TSNARE1: variants seen among roughly 807,000 people sequenced by gnomAD.
The protein encoded by TSNARE1 is t-SNARE domain-containing protein 1.
A neutral mutation model predicts 62.0 loss-of-function variants in TSNARE1; 49 were observed. The ratio of observed to expected loss-of-function variants is 0.79; its 90% CI spans 0.63 to 1.00. The LOEUF (loss-of-function observed/expected upper bound fraction) is 1.00. Among genes scored for constraint, TSNARE1 ranks in the 50% least tolerant of loss-of-function variants. The pLI, the probability that TSNARE1 is intolerant of heterozygous loss-of-function variation, is 0.00. For missense variants in TSNARE1, 755 were observed against 700.1 expected, an observed-to-expected ratio of 1.08 and a Z score of -0.88; for synonymous variants, 328 against 294.4, an observed-to-expected ratio of 1.11 and a Z score of -1.17.
rs138301382 is a variant in TSNARE1 at position 142,274,350 on chromosome 8, T to C, written c.1446+431A>G. On this transcript the variant is annotated intron_variant, in intron 12 of 13. Transcript: ENST00000524325. ...AGCTCCAAGTCCCACTTCAAGAAAATAAAGGCCTGAGCTTTCTTGTTCCCT... is the reference window on the plus strand; with the variant it reads ...AGCTCCAAGTCCCACTTCAAGAAAACAAAGGCCTGAGCTTTCTTGTTCCCT... 3.0e-6 allele frequency: 3 copies of C among 985,342 alleles called. No homozygotes were observed. The East Asian group carries it at 3.4e-4, about 112-fold the overall frequency. The allele number at this position is 985,342 out of a possible 1,614,324, so 61.0% of individuals were successfully genotyped here.
At chr8:142,236,222 G>A (rs562482306) in intron 12 of TSNARE1, among the ~76,000 whole-genome samples, 6 of 152,252 alleles carry the variant, frequency 3.9e-5, no homozygotes, top group African/African-American at 1.4e-4. Flanking sequence ...TGCAAAGAGG[G>A]AAGCCTTTTA....
chr8:142,263,869 A>G (rs1819009542), intron 12 of TSNARE1, among the ~76,000 whole-genome samples: 1 of 152,188 alleles, frequency 6.6e-6, no homozygotes, highest in African/African-American at 2.4e-5. Context: ...GGTCCTTCCT[A>G]AGAACTGGCT....
intron 4 of TSNARE1, among the ~76,000 whole-genome samples, chr8:142,340,032 G>A (rs1832331568): frequency 6.6e-6 from 1 of 152,252 alleles, no homozygotes. Context: ...CTGGGGCAGG[G>A]TCGGGGCCAG....
At position 142,389,817 on chromosome 8, in the gene TSNARE1, GACAA is replaced by G. The variant is rs554450023; in HGVS notation, c.-40+13283_-40+13286del. Among the ~76,000 whole-genome samples, 284 of 152,316 alleles carry G rather than the reference GACAA, an allele frequency of 1.9e-3. 1 individual carries two copies. The highest frequency in any genetic ancestry group is 3.5e-3 in the Non-Finnish European group (241 of 68,036). Reference sequence around the variant, plus strand: ...GGAATGTATAATGAAGCTCTGGAAGGACAAACAGTCATTCTTTGCTTAACCATAG... The same window carrying G: ...GGAATGTATAATGAAGCTCTGGAAGGACAGTCATTCTTTGCTTAACCATAG... On this transcript the variant is annotated intron_variant, in intron 1 of 13. Transcript: ENST00000524325.
chr8:142,240,429 A>T (rs551037018), intron 12 of TSNARE1, among the ~76,000 whole-genome samples: 1 of 152,260 alleles, frequency 6.6e-6, no homozygotes, highest in African/African-American at 2.4e-5. Flanking sequence ...CTCTCAATTT[A>T]TGATAGGTCA....
At chr8:142,363,182 G>A (rs554743777) in intron 1 of TSNARE1, among the ~76,000 whole-genome samples, 31 of 152,262 alleles carry the variant, frequency 2.0e-4, no homozygotes, top group Admixed American at 1.2e-3. Flanking sequence ...ATGGCCCTAC[G>A]GGTAGAGCCA....
chr8:142,384,118 G>C (rs1453967034), intron 1 of TSNARE1, among the ~76,000 whole-genome samples: 3 of 152,138 alleles, frequency 2.0e-5, no homozygotes, highest in Admixed American at 1.3e-4. Flanking sequence ...AGAAGGGCTG[G>C]CGTCAGGAGC....
chr8:142,303,557 C>T (rs1826139844), intron 9 of TSNARE1, among the ~76,000 whole-genome samples: 1 of 152,214 alleles, frequency 6.6e-6, no homozygotes, highest in African/African-American at 2.4e-5. Flanking sequence ...ATGGGGGGCC[C>T]ATGGTACCCA....
intron 1 of TSNARE1, among the ~76,000 whole-genome samples, chr8:142,362,689 C>T (rs117713019): frequency 0.037 from 5,661 of 152,220 alleles, 158 homozygotes; most frequent in Non-Finnish European, 0.06. Flanking sequence ...CTCTTCATAC[C>T]GTCACAATGG....
chr8:142,222,811 TTCACTCAC>T (rs147349019), intron 13 of TSNARE1, among the ~76,000 whole-genome samples: 7 of 89,884 alleles, frequency 7.8e-5, no homozygotes, highest in Admixed American at 2.1e-4. Flanking sequence ...CACTCACTCA[TTCACTCAC>T]TCACTCACTC....
chr8:142,385,587 C>T (rs756092134), intron 1 of TSNARE1, among the ~76,000 whole-genome samples: 11 of 152,144 alleles, frequency 7.2e-5, no homozygotes, highest in Admixed American at 6.5e-5. Flanking sequence ...GAACAATTAG[C>T]TCCTCACCTT....
intron 12 of TSNARE1, among the ~76,000 whole-genome samples, chr8:142,247,211 C>T (rs1817922654): frequency 6.6e-6 from 1 of 152,122 alleles, no homozygotes; most frequent in African/African-American, 2.4e-5. Flanking sequence ...GTTGCAGGCA[C>T]GAAACTTCAG....
chr8:142,323,734 T>C (rs894848176), intron 6 of TSNARE1, among the ~76,000 whole-genome samples: 8 of 152,104 alleles, frequency 5.3e-5, no homozygotes, highest in African/African-American at 1.9e-4. Flanking sequence ...CACTAGAAAA[T>C]GGACTGATGA....
intron 1 of TSNARE1, among the ~76,000 whole-genome samples, chr8:142,393,076 A>G (rs1442725237): frequency 6.6e-6 from 1 of 152,186 alleles, no homozygotes; most frequent in Non-Finnish European, 1.5e-5. Flanking sequence ...CAAACTACCT[A>G]AACTATTCAA....
chr8:142,380,310 C>T (rs1836644244), intron 1 of TSNARE1, among the ~76,000 whole-genome samples: 1 of 152,198 alleles, frequency 6.6e-6, no homozygotes, highest in Non-Finnish European at 1.5e-5. Context: ...TGGCCAACGG[C>T]CCCTTCCTCC....
chr8:142,253,564 C>T (rs995232669), intron 12 of TSNARE1, among the ~76,000 whole-genome samples: 41 of 77,016 alleles, frequency 5.3e-4, no homozygotes, highest in Non-Finnish European at 9.5e-5. Flanking sequence ...CTCCAGTGGC[C>T]ATTCTGGGCA....
intron 1 of TSNARE1, among the ~76,000 whole-genome samples, chr8:142,361,481 G>A (rs967085780): frequency 3.3e-5 from 5 of 152,302 alleles, no homozygotes; most frequent in South Asian, 4.1e-4. Context: ...TCCCAGGAGC[G>A]AGGGCACAGA....
chr8:142,327,495 G>A (rs1325838027), intron 6 of TSNARE1, among the ~76,000 whole-genome samples: 1 of 152,220 alleles, frequency 6.6e-6, no homozygotes, highest in East Asian at 1.9e-4. Flanking sequence ...GCACCAGCTG[G>A]CAAATGGGTC....
intron 4 of TSNARE1, among the ~76,000 whole-genome samples, chr8:142,342,893 G>A (rs961718458): frequency 5.3e-5 from 8 of 150,036 alleles, no homozygotes; most frequent in Non-Finnish European, 8.9e-5. Flanking sequence ...ACCTGCCCGG[G>A]CCCACCACAT....
Sources: allele counts gnomAD v4.1 joint callset (sites outside exome capture counted in the v4.1 genomes callset), GRCh38; gene constraint gnomAD v4.1.1; transcripts MANE v1.5; gene names NCBI Gene and HGNC (gene_info 2026-07-23, HGNC 2026-07-21).